SLC13A2: variants seen among roughly 807,000 people sequenced by gnomAD.
The protein encoded by SLC13A2 is solute carrier family 13 member 2, also known as Na(+)-coupled citrate transporter.
A neutral mutation model predicts 58.5 loss-of-function variants in SLC13A2; 40 were observed. The observed-to-expected ratio is 0.68, with a 90% CI of 0.53 to 0.89. The LOEUF (loss-of-function observed/expected upper bound fraction) is 0.89, where lower values mean the gene tolerates loss of function less well. Ranked by LOEUF, SLC13A2 falls within the 40% of genes least tolerant of loss-of-function variation. SLC13A2 has a pLI of 0.00. For missense variants in SLC13A2, 694 were observed against 772.6 expected (o/e 0.90, Z 1.21); for synonymous variants, 341 against 331.6 (o/e 1.03, Z -0.31).
intron 1 of SLC13A2, among the ~76,000 whole-genome samples, chr17:28,474,901 G>C (rs1485944455): frequency 6.6e-6 from 1 of 152,202 alleles, no homozygotes; most frequent in African/African-American, 2.4e-5. Flanking sequence ...GTCATAGATA[G>C]AGAAATTGAG....
At chr17:28,476,433 C>A (rs1371155403) in intron 1 of SLC13A2, among the ~76,000 whole-genome samples, 2 of 151,964 alleles carry the variant, frequency 1.3e-5, no homozygotes, top group Non-Finnish European at 2.9e-5. Context: ...CAAAAAAACC[C>A]TACACTGGCT....
chr17:28,495,556 G>C, intron 9 of SLC13A2, 99 bp from the exon 10 acceptor site: 1 of 1,201,424 alleles, frequency 8.3e-7, no homozygotes, highest in Non-Finnish European at 1.2e-6. Context: ...TGAATACCAG[G>C]GAGATGTTAG....
intron 1 of SLC13A2, among the ~76,000 whole-genome samples, chr17:28,477,392 C>T (rs1422167072): frequency 1.3e-5 from 2 of 151,626 alleles, no homozygotes; most frequent in African/African-American, 2.4e-5. Flanking sequence ...GACGGGGTTT[C>T]ACCGTGTTAG....
In SLC13A2 at chr17:28,494,128, G is replaced by A. The variant is rs781957073; in HGVS notation, c.1186+23G>A. ...CAGGTAAGCACCTGGACTGGGGCAGGGAAGGGTCTCCGGGCAGCCCCTGCC... is the reference window on the plus strand; with the variant it reads ...CAGGTAAGCACCTGGACTGGGGCAGAGAAGGGTCTCCGGGCAGCCCCTGCC... On this transcript the variant is annotated intron_variant, in intron 8 of 11. Coordinates refer to ENST00000314669, the MANE Select transcript of SLC13A2 (RefSeq NM_003984.4). The surrounding 1 kb of genome is among the most constrained non-coding windows in gnomAD (Gnocchi z 4.0). 17 of 1,606,548 alleles carry A rather than the reference G, an allele frequency of 1.1e-5. No individual in the cohort carries two copies. Among genetic ancestry groups the A allele is most frequent in the Non-Finnish European group, 1.3e-5 (15 of 1,173,212 alleles).
chr17:28,476,124 G>C (rs1186482084), intron 1 of SLC13A2, among the ~76,000 whole-genome samples: 1 of 152,064 alleles, frequency 6.6e-6, no homozygotes, highest in East Asian at 1.9e-4. Flanking sequence ...CCAAAAACTC[G>C]GGGGCATTCT....
chr17:28,473,903 A>T, intron 1 of SLC13A2, 89 bp downstream of exon 1: 1 of 1,087,566 alleles, frequency 9.2e-7, no homozygotes, highest in Non-Finnish European at 1.4e-6. Flanking sequence ...AGGATCCAGC[A>T]TAACTTCCTC....
At chr17:28,482,184 T>C (rs1210945696) in intron 1 of SLC13A2, among the ~76,000 whole-genome samples, 1 of 151,878 alleles carries the variant, frequency 6.6e-6, no homozygotes, top group Non-Finnish European at 1.5e-5. Flanking sequence ...CATGCCCAGC[T>C]AAGTTTTTTT....
Position 28,497,405 on chromosome 17 carries a change from C to T in SLC13A2, c.*136C>T, listed in dbSNP as rs1182126553. ...AGGCACGTGTGTACATAATCTCTTG[C>T]GTGTCTGTAAGGAAGGGGTGTATGC... On this transcript the variant is annotated 3_prime_UTR_variant, in exon 12 of 12. Transcript: ENST00000314669. 6 of 949,092 alleles carry T rather than the reference C, an allele frequency of 6.3e-6. No individual in the cohort carries two copies. In the South Asian group the frequency reaches 6.8e-5, roughly 11 times the overall value. The allele number at this position is 949,092 out of a possible 1,614,324, so 58.8% of individuals were successfully genotyped here.
intron 1 of SLC13A2, among the ~76,000 whole-genome samples, chr17:28,477,435 C>T (rs1295615345): frequency 1.3e-5 from 2 of 151,778 alleles, no homozygotes; most frequent in Non-Finnish European, 2.9e-5. Context: ...ACCTCGTGAT[C>T]CGCCCGCCTT....
chr17:28,485,911 C>T (rs2068872219), intron 1 of SLC13A2, among the ~76,000 whole-genome samples: 1 of 152,122 alleles, frequency 6.6e-6, no homozygotes, highest in Non-Finnish European at 1.5e-5. Flanking sequence ...AAGAGAATTG[C>T]CTGTGCCCAG....
chr17:28,494,418 T>C lies in SLC13A2; in HGVS notation c.1214T>C (p.Leu405Pro). The change falls in exon 9 of 12, where the codon CTT becomes CCT. Residue 405 changes from leucine (L) to proline (P), a missense_variant. By Grantham distance (98) the Leu-to-Pro change is moderately conservative. Coordinates refer to ENST00000314669, the MANE Select transcript of SLC13A2 (RefSeq NM_003984.4). This position sits in a 1 kb window ranked among gnomAD's most constrained non-coding sequence, Gnocchi z 4.0. ...PENPGKLKAP[L>P]GLLDWKTVNQ... is the part of the protein sequence containing the mutation. ...AACCCAGGGAAGCTGAAGGCCCCTCTTGGCCTCCTCGACTGGAAGACGGTG... is the reference window on the plus strand; with the variant it reads ...AACCCAGGGAAGCTGAAGGCCCCTCCTGGCCTCCTCGACTGGAAGACGGTG... 6.2e-7 allele frequency: 1 copy of C among 1,614,202 alleles called. No homozygotes were observed. The highest frequency in any genetic ancestry group is 8.5e-7 in the Non-Finnish European group (1 of 1,180,022).
chr17:28,477,396 G>A (rs182205086), intron 1 of SLC13A2, among the ~76,000 whole-genome samples: 287 of 151,652 alleles, frequency 1.9e-3, no homozygotes, highest in Middle Eastern at 6.8e-3. Context: ...GGGTTTCACC[G>A]TGTTAGCCAG....
chr17:28,486,419 C>A (rs2068883023), intron 1 of SLC13A2, among the ~76,000 whole-genome samples: 1 of 152,180 alleles, frequency 6.6e-6, no homozygotes, highest in Non-Finnish European at 1.5e-5. Flanking sequence ...GAACTCCATG[C>A]CCCAGTTAAG....
At chr17:28,491,907 C>CT in intron 6 of SLC13A2, 55 bp downstream of exon 6, 1 of 1,583,652 alleles carries the variant, frequency 6.3e-7, no homozygotes, top group Non-Finnish European at 8.6e-7. Context: ...GCCCTGGGAG[C>CT]TTCCAGTTGG....
chr17:28,490,475 G>A lies in SLC13A2; in HGVS notation c.253G>A (p.Asp85Asn), dbSNP rs267604776. ...CCAGGTTGCCGTCGAGTATCTTAAGGACTCCAACCTCCTGTTCTTCGGGGG... is the reference window on the plus strand; with the variant it reads ...CCAGGTTGCCGTCGAGTATCTTAAGAACTCCAACCTCCTGTTCTTCGGGGG... Reference protein sequence around the residue: ...ASEVAVEYLKDSNLLFFGGLL... With the variant: ...ASEVAVEYLKNSNLLFFGGLL... Residue 85 changes from aspartate (D) to asparagine (N), a missense_variant, in exon 3 of 12, where the codon GAC becomes AAC. Asp to Asn is a conservative substitution (Grantham distance 23). Coordinates refer to ENST00000314669, the MANE Select transcript of SLC13A2 (RefSeq NM_003984.4). 2 of 1,613,976 alleles carry A rather than the reference G, an allele frequency of 1.2e-6. No homozygotes were observed. The highest frequency in any genetic ancestry group is 2.7e-5 in the African/African-American group (2 of 74,874).
rs991289455 is a variant in SLC13A2, at chr17:28,491,853, G to A, written c.878+1G>A. 8.1e-6 allele frequency: 13 copies of A among 1,613,832 alleles called. No individual in the cohort carries two copies. The highest frequency in any genetic ancestry group is 1.3e-5 in the African/African-American group (1 of 75,028). On this transcript the variant is annotated splice_donor_variant, in intron 6 of 11. Coordinates refer to ENST00000314669, the MANE Select transcript of SLC13A2 (RefSeq NM_003984.4). LOFTEE classifies it high-confidence loss of function. ...TGCAGATCCTCTTCCTGGGCTTCAA[G>A]TAAGTGGCAAAGTTGGTGAGAGAAG...
intron 1 of SLC13A2, among the ~76,000 whole-genome samples, chr17:28,474,188 G>A (rs1798316784): frequency 1.3e-5 from 2 of 152,162 alleles, no homozygotes; most frequent in East Asian, 1.9e-4. Context: ...GGGAGGGGAC[G>A]GCTGGGTAAG....
At position 28,490,829 on chromosome 17, in the gene SLC13A2, G is replaced by A. The variant is rs1475986320; in HGVS notation, c.497G>A (p.Ser166Asn). 3.7e-6 allele frequency: 6 copies of A among 1,613,928 alleles called. No individual in the cohort carries two copies. Among genetic ancestry groups the A allele is most frequent in the Non-Finnish European group, 5.1e-6 (6 of 1,179,986 alleles). ...LDQLHSSQAS[S>N]NVEEGSNNPT... ...CAGCTGCACAGCTCGCAAGCCAGCA[G>A]CAACGTCGAGGAGGGCAGCAACAAC... The change falls in exon 4 of 12, where the codon AGC becomes AAC. Residue 166 changes from serine (S) to asparagine (N), a missense_variant. Coordinates refer to ENST00000314669, the MANE Select transcript of SLC13A2 (RefSeq NM_003984.4).
chr17:28,490,320 C>CAA (rs2068978413), intron 2 of SLC13A2, 134 bp from the exon 3 acceptor site: 1 of 1,602,902 alleles, frequency 6.2e-7, no homozygotes, highest in African/African-American at 1.3e-5. Context: ...ATTCAGAGAC[C>CAA]ATTTCCATCC....
Sources: gnomAD v4.1 joint callset for allele counts (sites outside exome capture counted in the v4.1 genomes callset) on GRCh38, gnomAD v4.1.1 for gene constraint, Gnocchi (gnomAD v3.1) non-coding constraint, MANE v1.5 for transcripts, NCBI Gene and HGNC (gene_info 2026-07-23, HGNC 2026-07-21) for gene names.